Variants in CEP55 observed in about 807,000 individuals in gnomAD.
CEP55 encodes centrosomal protein 55, also known as centrosomal protein of 55 kDa.
Under a neutral mutation model 63.2 loss-of-function variants are expected in CEP55, and 57 were observed. The observed-to-expected ratio is 0.90, with a 90% CI of 0.73 to 1.13. CEP55 has a LOEUF of 1.13. Among genes scored for constraint, CEP55 ranks in the 50% most tolerant of loss-of-function variants. The probability of loss-of-function intolerance (pLI) is 0.00; values close to 1 mark genes in which losing one functional copy is unlikely to be tolerated. For missense variants in CEP55, 456 were observed against 518.9 expected (o/e 0.88, Z 1.18); for synonymous variants, 178 against 191.6 (o/e 0.93, Z 0.59).
intron 7 of CEP55, 65 bp downstream of exon 7, chr10:93,519,013 T>C (rs1370852300): frequency 8.1e-7 from 1 of 1,235,304 alleles, no homozygotes; most frequent in Non-Finnish European, 1.2e-6. Context: ...TTCCTCATGT[T>C]TATGCTGTTC....
Position 93,527,980 on chromosome 10 carries a change from C to G in CEP55, c.1222C>G (p.Pro408Ala), listed in dbSNP as rs765340861. The change falls in exon 9 of 9, where the codon CCA becomes GCA. Residue 408 changes from proline (P) to alanine (A), a missense_variant. Transcript: ENST00000371485. The part of the protein sequence containing the change: ...KQLHEFAITE[P>A]LVTFQGETEN... ...GCTTCATGAGTTTGCCATCACAGAG[C>G]CATTAGTCACTTTCCAAGGAGAGAC... 1.2e-6 allele frequency: 2 copies of G among 1,613,842 alleles called. No homozygotes were observed. The highest frequency in any genetic ancestry group is 1.7e-6 in the Non-Finnish European group (2 of 1,179,974).
chr10:93,514,374 T>G (rs1741610545), intron 4 of CEP55, among the ~76,000 whole-genome samples: 1 of 152,174 alleles, frequency 6.6e-6, no homozygotes, highest in Admixed American at 6.6e-5. Context: ...AATTGGGTTA[T>G]AAAAGATCAT....
chr10:93,516,878 T>C, intron 5 of CEP55, 57 bp from the exon 6 acceptor site: 3 of 1,233,484 alleles, frequency 2.4e-6, no homozygotes, highest in South Asian at 3.1e-5. Context: ...TGTTTCTCTT[T>C]TCAGGAATAT....
At chr10:93,516,646 A>T (rs1002785848) in intron 5 of CEP55, among the ~76,000 whole-genome samples, 1 of 152,192 alleles carries the variant, frequency 6.6e-6, no homozygotes, top group Non-Finnish European at 1.5e-5. Context: ...TCCACATATA[A>T]ATAATGAGCT....
chr10:93,520,886 T>C (rs1178356393), intron 8 of CEP55, among the ~76,000 whole-genome samples: 2 of 152,230 alleles, frequency 1.3e-5, no homozygotes, highest in Non-Finnish European at 2.9e-5. Context: ...ATTTATAATA[T>C]TTGAAATGAA....
chr10:93,525,887 T>G (rs1435042309), intron 8 of CEP55, among the ~76,000 whole-genome samples: 1 of 151,972 alleles, frequency 6.6e-6, no homozygotes, highest in Non-Finnish European at 1.5e-5. Context: ...TAGCCATATG[T>G]AGAAAGCTGA....
chr10:93,514,587 C>T (rs1024591933), intron 4 of CEP55, among the ~76,000 whole-genome samples: 2 of 152,164 alleles, frequency 1.3e-5, no homozygotes, highest in Non-Finnish European at 2.9e-5. Flanking sequence ...TGGGGGGCTC[C>T]AGAGCAGAGA....
intron 8 of CEP55, among the ~76,000 whole-genome samples, chr10:93,522,599 A>G (rs1222271649): frequency 1.3e-5 from 2 of 152,100 alleles, no homozygotes; most frequent in Admixed American, 1.3e-4. Flanking sequence ...CCACAAAGAT[A>G]CTCCTCGAGA....
At chr10:93,509,861 A>T (rs374554642) in intron 4 of CEP55, among the ~76,000 whole-genome samples, 1 of 152,148 alleles carries the variant, frequency 6.6e-6, no homozygotes, top group East Asian at 1.9e-4. Context: ...CTTTGAGACC[A>T]GGGGGAAAAT....
intron 8 of CEP55, among the ~76,000 whole-genome samples, chr10:93,521,424 G>C (rs887811443): frequency 6.6e-6 from 1 of 152,120 alleles, no homozygotes; most frequent in Non-Finnish European, 1.5e-5. Flanking sequence ...GCTGAGGCTC[G>C]AGTAAGTAAA....
In CEP55 at chr10:93,515,456, T is replaced by A; in HGVS notation, c.580T>A (p.Tyr194Asn). The change falls in exon 5 of 9, where the codon TAT (tyrosine) becomes AAT (asparagine). Residue 194 changes from tyrosine to asparagine, a missense_variant. By Grantham distance (143) the Tyr-to-Asn change is moderately radical. Transcript: ENST00000371485. ...CGTGTATGATCAGCAGCGGGAAGTC[T>A]ATGTAAAAGGACTTTTAGCAAAGAT... ...WLVYDQQREV[Y>N]VKGLLAKIFE... is the part of the protein sequence containing the mutation. The A allele has an allele frequency of 6.2e-7, 1 of 1,613,628 alleles. No individual in the cohort carries two copies. Among genetic ancestry groups the A allele is most frequent in the South Asian group, 1.1e-5 (1 of 91,072 alleles).
intron 8 of CEP55, among the ~76,000 whole-genome samples, chr10:93,525,696 G>C (rs929440099): frequency 1.3e-5 from 2 of 151,732 alleles, no homozygotes; most frequent in Admixed American, 6.6e-5. Context: ...ATACTACAAG[G>C]CTACAGTAAC....
At chr10:93,521,224 G>A (rs141490680) in intron 8 of CEP55, among the ~76,000 whole-genome samples, 12,698 of 152,210 alleles carry the variant, frequency 0.083, 741 homozygotes, top group Non-Finnish European at 0.12. Flanking sequence ...GACGGCACCT[G>A]GAAAATCAGG....
At chr10:93,497,280 T>C (rs1244930373) in intron 1 of CEP55, among the ~76,000 whole-genome samples, 1 of 152,158 alleles carries the variant, frequency 6.6e-6, no homozygotes, top group African/African-American at 2.4e-5. Context: ...TTTTCTTTTT[T>C]TTTGAGATGG....
chr10:93,514,090 C>T (rs59523015), intron 4 of CEP55, among the ~76,000 whole-genome samples: 1,869 of 152,166 alleles, frequency 0.012, 42 homozygotes, highest in African/African-American at 0.043. Context: ...ACTGCAGGTA[C>T]GTGCCACCAT....
intron 3 of CEP55, among the ~76,000 whole-genome samples, chr10:93,503,973 CTTT>C (rs774307972): frequency 7.2e-6 from 1 of 138,594 alleles, no homozygotes. Context: ...ATCTTAGTTT[CTTT>C]TTTTTTTTTT....
At chr10:93,504,078 G>A (rs941880018) in intron 3 of CEP55, among the ~76,000 whole-genome samples, 22 of 152,094 alleles carry the variant, frequency 1.4e-4, no homozygotes, top group African/African-American at 2.2e-4. Flanking sequence ...AAATTGCCTC[G>A]CATAGTGCCT....
chr10:93,527,899 C>A, intron 8 of CEP55, 51 bp from the exon 9 acceptor site: 2 of 1,380,584 alleles, frequency 1.4e-6, no homozygotes, highest in Non-Finnish European at 2.0e-6. Context: ...AAAAAAAAAG[C>A]TGAACATTGG....
At chr10:93,519,579 A>G (rs2134489479) in intron 7 of CEP55, 103 bp from the exon 8 acceptor site, 2 of 1,291,626 alleles carry the variant, frequency 1.5e-6, no homozygotes, top group South Asian at 2.8e-5. Flanking sequence ...CGATGGTACA[A>G]TAAATATTTT....
Sources: gnomAD v4.1 joint callset for allele counts (sites outside exome capture counted in the v4.1 genomes callset) on GRCh38, gnomAD v4.1.1 for gene constraint, MANE v1.5 for transcripts, NCBI Gene and HGNC (gene_info 2026-07-23, HGNC 2026-07-21) for gene names.